The following AKAP13 variants were observed in gnomAD, a reference collection of about 807,000 sequenced individuals.
AKAP13 encodes A-kinase anchoring protein 13.
A neutral mutation model predicts 264.5 loss-of-function variants in AKAP13; 80 were observed. The observed-to-expected ratio is 0.30, with a 90% confidence interval of 0.25 to 0.36. The LOEUF (loss-of-function observed/expected upper bound fraction) is 0.36. Ranked by LOEUF, AKAP13 falls within the 10% of genes least tolerant of loss-of-function variation. The pLI is 1.00. For synonymous variants in AKAP13, 1,380 were observed against 1,250.2 expected, an observed-to-expected ratio of 1.10 and a Z score of -2.19; for missense variants, 3,712 against 3,435.2, an observed-to-expected ratio of 1.08 and a Z score of -2.01.
At chr15:85,404,168 G>A (rs887975823) in intron 1 of AKAP13, among the ~76,000 whole-genome samples, 1 of 152,230 alleles carries the variant, frequency 6.6e-6, no homozygotes, top group African/African-American at 2.4e-5. Context: ...GACTGACCAA[G>A]ATTGAAGCAT....
At chr15:85,575,412 G>T (rs2078970771) in intron 6 of AKAP13, 83 bp downstream of exon 6, 1 of 1,342,484 alleles carries the variant, frequency 7.4e-7, no homozygotes, top group African/African-American at 1.4e-5. Flanking sequence ...CTCCTCCAAT[G>T]AACCTTGATA....
chr15:85,551,896 A>G (rs139130036), intron 5 of AKAP13, among the ~76,000 whole-genome samples: 1 of 152,226 alleles, frequency 6.6e-6, no homozygotes, highest in Non-Finnish European at 1.5e-5. Flanking sequence ...GGTCAATTCT[A>G]AAGTTTTCTT....
Position 85,534,541 on chromosome 15 carries a change from T to G in AKAP13, c.478+661T>G, listed in dbSNP as rs2077331112. ...CCTCCACCTCCTGGGTTCAGGTGAT[T>G]CTGCTGCCTCAGCCTCCCAAATAGC... On this transcript the variant is annotated intron_variant, in intron 4 of 36. Coordinates refer to ENST00000394518, the MANE Select transcript of AKAP13 (RefSeq NM_007200.5). The G allele has an allele frequency of 2.0e-5, 3 of 152,240 alleles. No individual in the cohort carries two copies. The South Asian group carries it at 6.2e-4, about 32-fold the overall frequency. 9.4% of individuals were successfully genotyped at this position (152,240 alleles called of 1,614,324 possible). A position where few individuals can be genotyped will look rare whatever the true frequency, so the allele number is the denominator to read the frequency against.
chr15:85,738,925 A>G (rs1178728553), intron 33 of AKAP13, among the ~76,000 whole-genome samples: 2 of 152,142 alleles, frequency 1.3e-5, no homozygotes, highest in Non-Finnish European at 2.9e-5. Flanking sequence ...TATATGTGTG[A>G]ATAGTACAAA....
chr15:85,519,225 G>A (rs1029112483), intron 2 of AKAP13, among the ~76,000 whole-genome samples: 2 of 152,086 alleles, frequency 1.3e-5, no homozygotes, highest in Non-Finnish European at 2.9e-5. Context: ...AAATGAATGG[G>A]TTGGGTTCAA....
At chr15:85,744,437 AG>A (rs2089298596) in intron 36 of AKAP13, 190 bp from the exon 37 acceptor site, 19 of 622,554 alleles carry the variant, frequency 3.1e-5, no homozygotes, top group Non-Finnish European at 2.9e-6. Flanking sequence ...AGGGAGCATT[AG>A]GCAGTGAAGG....
chr15:85,746,741 G>T lies in AKAP13; in HGVS notation c.*2064G>T, dbSNP rs967325472. ...GTCGTGACTTTCCTGAGATCTACCC[G>T]GGGCTTGGCTGTCTGTTCTGGGCAC... On this transcript the variant is annotated 3_prime_UTR_variant, in exon 37 of 37. Transcript: ENST00000394518. 6.6e-6 allele frequency: 1 copy of T among 152,134 alleles called. No homozygotes were observed. The allele number at this position is 152,134 out of a possible 1,614,324, so 9.4% of individuals were successfully genotyped here.
chr15:85,734,670 T>G (rs746752213), intron 30 of AKAP13, among the ~76,000 whole-genome samples: 2 of 152,228 alleles, frequency 1.3e-5, no homozygotes, highest in Non-Finnish European at 2.9e-5. Context: ...TCCATCTTAC[T>G]TTCCAGGGAA....
chr15:85,716,078 G>A (rs2047290642), intron 20 of AKAP13, among the ~76,000 whole-genome samples, 155 bp downstream of exon 20: 1 of 150,866 alleles, frequency 6.6e-6, no homozygotes. Context: ...TTATGTTTCT[G>A]ATGCATGTCA....
chr15:85,451,680 T>G (rs1189711198), intron 1 of AKAP13, among the ~76,000 whole-genome samples: 1 of 152,248 alleles, frequency 6.6e-6, no homozygotes, highest in Non-Finnish European at 1.5e-5. Context: ...TTAAAGAATG[T>G]TGAATATAGG....
intron 8 of AKAP13, chr15:85,619,353 GGA>G (rs2081076985): frequency 1.0e-6 from 1 of 978,466 alleles, no homozygotes; most frequent in African/African-American, 1.8e-5. Context: ...AGGGAGGGAA[GGA>G]GGGAGGGAGG....
rs370981859 is a variant in AKAP13 at position 85,608,581 on chromosome 15, G to A, written c.4161+22758G>A. On this transcript the variant is annotated intron_variant, in intron 8 of 36. Coordinates refer to ENST00000394518, the MANE Select transcript of AKAP13 (RefSeq NM_007200.5). ...AAGCCCCATAGTGGTTCAAAGGAGAGCGTTTTAAGGAGGGTTAGAGTAGGC... is the reference window on the plus strand; with the variant it reads ...AAGCCCCATAGTGGTTCAAAGGAGAACGTTTTAAGGAGGGTTAGAGTAGGC... 5.9e-5 allele frequency among the ~76,000 whole-genome samples: 9 copies of A among 152,230 alleles called. No individual in the cohort carries two copies. The South Asian group carries it at 6.2e-4, about 11-fold the overall frequency.
chr15:85,628,469 G>C lies in AKAP13; in HGVS notation c.4162-10905G>C, dbSNP rs560067286. On this transcript the variant is annotated intron_variant, in intron 8 of 36. Coordinates refer to ENST00000394518, the MANE Select transcript of AKAP13 (RefSeq NM_007200.5). ...GGAAATGTTACTGTTCTTCAGTATG[G>C]GTTTTACTTTTAAATGTTTACGAAT... Among the ~76,000 whole-genome samples, 9 of 152,272 alleles carry C rather than the reference G, an allele frequency of 5.9e-5. No homozygotes were observed. In the South Asian group the frequency reaches 1.9e-3, roughly 32 times the overall value.
At chr15:85,707,031 T>G (rs1489571769) in intron 17 of AKAP13, among the ~76,000 whole-genome samples, 1 of 152,194 alleles carries the variant, frequency 6.6e-6, no homozygotes, top group African/African-American at 2.4e-5. Context: ...GGTGAGTTGA[T>G]GTAGACAGGA....
At chr15:85,582,285 A>G (rs1265409266) in intron 7 of AKAP13, among the ~76,000 whole-genome samples, 178 bp downstream of exon 7, 8 of 152,158 alleles carry the variant, frequency 5.3e-5, no homozygotes, top group African/African-American at 9.7e-5. Context: ...AGGGTTGGAC[A>G]GATTTTGCTT....
At chr15:85,695,320 C>CT (rs1567199753) in intron 17 of AKAP13, among the ~76,000 whole-genome samples, 1 of 152,148 alleles carries the variant, frequency 6.6e-6, no homozygotes, top group African/African-American at 2.4e-5. Flanking sequence ...AGGAGAATTG[C>CT]TTGAACTTGG....
chr15:85,711,026 A>AT (rs1177399496), intron 19 of AKAP13, among the ~76,000 whole-genome samples: 1 of 149,148 alleles, frequency 6.7e-6, no homozygotes, highest in African/African-American at 2.5e-5. Flanking sequence ...TTTTTTTATT[A>AT]TTTTTTTGAG....
At chr15:85,735,688 C>T in intron 32 of AKAP13, 58 bp downstream of exon 32, 1 of 1,484,558 alleles carries the variant, frequency 6.7e-7, no homozygotes. Context: ...GAATTCATAA[C>T]CTTTGAAATT....
intron 1 of AKAP13, among the ~76,000 whole-genome samples, chr15:85,411,721 G>A (rs755840795): frequency 1.3e-5 from 2 of 152,198 alleles, no homozygotes; most frequent in Non-Finnish European, 2.9e-5. Flanking sequence ...ACAGGCGTGA[G>A]CCACCGCGCC....
Sources: gnomAD v4.1 joint callset for allele counts (sites outside exome capture counted in the v4.1 genomes callset) on GRCh38, gnomAD v4.1.1 for gene constraint, MANE v1.5 for transcripts, NCBI Gene and HGNC (gene_info 2026-07-23, HGNC 2026-07-21) for gene names.